Variants in TENM2 observed in about 807,000 individuals in gnomAD.
TENM2 encodes the protein teneurin-2.
Under a neutral mutation model 245.2 loss-of-function variants are expected in TENM2, and 52 were observed. The ratio of observed to expected loss-of-function variants is 0.21; its 90% CI spans 0.17 to 0.27. TENM2 has a LOEUF of 0.27. Ranked by LOEUF, TENM2 falls within the 10% of genes least tolerant of loss-of-function variation. TENM2 has a pLI of 1.00. For missense variants in TENM2, 3,046 were observed against 3,666.8 expected (o/e 0.83, Z 4.37); for synonymous variants, 1,363 against 1,438.9 (o/e 0.95, Z 1.19).
chr5:166,984,401 T>G, the TENM2 span, among the ~76,000 whole-genome samples: 1 of 152,090 alleles, frequency 6.6e-6, no homozygotes, highest in African/African-American at 2.4e-5. Flanking sequence ...AAATGTCATT[T>G]TTATTATTGC....
chr5:167,681,832 T>G (rs776386190), intron 2 of TENM2, among the ~76,000 whole-genome samples: 9 of 152,090 alleles, frequency 5.9e-5, no homozygotes, highest in Non-Finnish European at 1.0e-4. Flanking sequence ...TCTTTCAATT[T>G]TATATGTCTG....
At chr5:167,077,771 A>G in the TENM2 span, among the ~76,000 whole-genome samples, 6 of 152,342 alleles carry the variant, frequency 3.9e-5, no homozygotes, top group South Asian at 1.2e-3. Context: ...ATGAACTAAG[A>G]AAAGTAATTA....
chr5:168,037,966 G>A (rs1787856848), intron 5 of TENM2, among the ~76,000 whole-genome samples: 1 of 152,180 alleles, frequency 6.6e-6, no homozygotes, highest in Admixed American at 6.5e-5. Flanking sequence ...TCTGAAGGAG[G>A]GGGTTCAGGC....
the TENM2 span, among the ~76,000 whole-genome samples, chr5:167,046,008 G>A: frequency 1.7e-4 from 26 of 152,250 alleles, no homozygotes; most frequent in Middle Eastern, 3.4e-3. Flanking sequence ...TTCTACATGA[G>A]GCTCCACTAT....
intron 2 of TENM2, among the ~76,000 whole-genome samples, chr5:167,719,420 G>A (rs1759477434): frequency 1.3e-5 from 2 of 152,304 alleles, no homozygotes; most frequent in African/African-American, 4.8e-5. Flanking sequence ...AAATTCCTAA[G>A]GGTTTGAGTT....
Position 168,090,559 on chromosome 5 carries a change from C to G in TENM2, c.1516-15C>G. ...CACCTTGTCTCATGCATGGTACTCT[C>G]TCTCCTTTTCCCAGTATGACTTCAT... On this transcript the variant is annotated splice_polypyrimidine_tract_variant and intron_variant, in intron 7 of 28. Coordinates refer to ENST00000518659, the Ensembl canonical transcript of TENM2. The G allele has an allele frequency of 6.2e-7, 1 of 1,609,374 alleles. No homozygotes were observed.
chr5:167,702,557 T>TATATATATATATATATATAC (rs1427750698), intron 2 of TENM2, among the ~76,000 whole-genome samples: 1 of 147,444 alleles, frequency 6.8e-6, no homozygotes, highest in African/African-American at 2.5e-5. Context: ...TGTGTGTATA[T>TATATATATATATATATATAC]ATATATATAT....
intron 2 of TENM2, among the ~76,000 whole-genome samples, chr5:167,583,594 C>T (rs1477601873): frequency 6.6e-6 from 1 of 151,804 alleles, no homozygotes; most frequent in Non-Finnish European, 1.5e-5. Context: ...TTTAGAAGAA[C>T]TTTAGGTTTA....
intron 13 of TENM2, among the ~76,000 whole-genome samples, chr5:168,171,981 T>C (rs1233630788): frequency 6.6e-6 from 1 of 152,244 alleles, no homozygotes; most frequent in Non-Finnish European, 1.5e-5. Flanking sequence ...GGCAAGGTCC[T>C]CGTGCCATCA....
chr5:167,658,903 G>A (rs1396330622), intron 2 of TENM2, among the ~76,000 whole-genome samples: 1 of 152,062 alleles, frequency 6.6e-6, no homozygotes, highest in African/African-American at 2.4e-5. Flanking sequence ...TGAGTTCCCT[G>A]GTTTTAATTA....
At chr5:167,745,399 G>A (rs948264978) in intron 2 of TENM2, among the ~76,000 whole-genome samples, 6 of 152,186 alleles carry the variant, frequency 3.9e-5, no homozygotes, top group Non-Finnish European at 8.8e-5. Flanking sequence ...TGCTGGCTAT[G>A]GTGTGGAGCT....
At chr5:167,832,567 A>G (rs4869077) in intron 2 of TENM2, among the ~76,000 whole-genome samples, 137,570 of 152,214 alleles carry the variant, frequency 0.9, 62,246 homozygotes, top group East Asian at 1. Flanking sequence ...GCATGTTAGC[A>G]TATATGTGCA....
intron 12 of TENM2, among the ~76,000 whole-genome samples, chr5:168,152,390 A>G (rs999832205): frequency 9.2e-5 from 14 of 152,186 alleles, no homozygotes; most frequent in Admixed American, 2.6e-4. Context: ...CAAAATGGCA[A>G]TTTATGGTTG....
chr5:167,045,129 G>T, the TENM2 span, among the ~76,000 whole-genome samples: 1 of 152,176 alleles, frequency 6.6e-6, no homozygotes, highest in African/African-American at 2.4e-5. Flanking sequence ...CAAGGAAGAA[G>T]AAGAGGAGGA....
rs1763419758 is a variant in TENM2 at position 168,218,764 on chromosome 5, G to T, written c.4873G>T (p.Val1625Phe). ...TTTCACATATAGTACTGACAATGAT[G>T]TCACTGAATTGATTGACAATAATGG... Residue 1625 changes from valine (V) to phenylalanine (F), a missense_variant, in exon 23 of 29, where the codon GTC (valine) becomes TTC (phenylalanine). Val to Phe is a conservative substitution (Grantham distance 50). Coordinates refer to ENST00000518659, the Ensembl canonical transcript of TENM2. This position sits in a 1 kb window ranked among gnomAD's most constrained non-coding sequence, Gnocchi z 5.2. The T allele has an allele frequency of 6.2e-7, 1 of 1,613,900 alleles. No individual in the cohort carries two copies. The highest frequency in any genetic ancestry group is 1.3e-5 in the African/African-American group (1 of 74,930).
chr5:168,036,687 ATATATATATATATGTATGTG>A (rs1479102068), intron 5 of TENM2, among the ~76,000 whole-genome samples: 6 of 118,088 alleles, frequency 5.1e-5, no homozygotes, highest in African/African-American at 1.2e-4. Context: ...GTATATATAT[ATATATATATATATGTATGTG>A]TATATATATG....
At position 168,148,019 on chromosome 5, in the gene TENM2, C is replaced by T. The variant is rs1320950315; in HGVS notation, c.2423-14592C>T. Reference sequence around the variant, plus strand: ...GTTAGAGATGCGAGCATTCCATCCACGAGGATTATCGATTTTTGTAGCTTT... The same window carrying T: ...GTTAGAGATGCGAGCATTCCATCCATGAGGATTATCGATTTTTGTAGCTTT... On this transcript the variant is annotated intron_variant, in intron 12 of 28. Coordinates refer to ENST00000518659, the Ensembl canonical transcript of TENM2. Among the ~76,000 whole-genome samples the T allele has an allele frequency of 5.3e-5, 8 of 152,216 alleles. 1 individual carries two copies. The South Asian group carries it at 8.3e-4, about 16-fold the overall frequency.
intron 2 of TENM2, among the ~76,000 whole-genome samples, chr5:167,705,961 TG>T (rs915870279): frequency 9.3e-6 from 1 of 107,210 alleles, no homozygotes; most frequent in Non-Finnish European, 1.8e-5. Context: ...TTTTCAAGGC[TG>T]GGTTATATAT....
rs1562040659 is a variant in TENM2, at chr5:168,004,511, GCGCGCGCACACACA to G, written c.1186+11331_1186+11344del. Among the ~76,000 whole-genome samples the G allele has an allele frequency of 1.3e-3, 102 of 77,290 alleles. 2 individuals carry two copies. In the South Asian group the frequency reaches 0.014, roughly 11 times the overall value. 50.7% of individuals were successfully genotyped at this position (77,290 alleles called of 152,430 possible). A position where few individuals can be genotyped will look rare whatever the true frequency, so the allele number is the denominator to read the frequency against. ...CCCCATTTGGGATGCACGCATGCGC[GCGCGCGCACACACA>G]CACACACACACACACACACACACAC... On this transcript the variant is annotated intron_variant, in intron 5 of 28. Transcript: ENST00000518659.
Sources: gnomAD v4.1 joint callset for allele counts (sites outside exome capture counted in the v4.1 genomes callset) on GRCh38, gnomAD v4.1.1 for gene constraint, Gnocchi (gnomAD v3.1) non-coding constraint, MANE v1.5 for transcripts, NCBI Gene and HGNC (gene_info 2026-07-23, HGNC 2026-07-21) for gene names.